Variants in GPR55 observed in about 807,000 individuals in gnomAD.
GPR55 encodes G-protein coupled receptor 55.
Under a neutral mutation model 7.9 loss-of-function variants are expected in GPR55, and 6 were observed. The observed-to-expected ratio is 0.76, with a 90% CI of 0.41 to 1.49. The LOEUF is 1.49. Ranked by LOEUF, GPR55 falls within the 40% of genes most tolerant of loss-of-function variation. GPR55 has a pLI of 0.01. For synonymous variants in GPR55, 183 were observed against 166.8 expected, an observed-to-expected ratio of 1.10 and a Z score of -0.75; for missense variants, 376 against 406.0, an observed-to-expected ratio of 0.93 and a Z score of 0.63.
At position 230,910,693 on chromosome 2, in the gene GPR55, G is replaced by A; in HGVS notation, c.270C>T (p.Phe90=). 6.2e-7 allele frequency: 1 copy of A among 1,613,252 alleles called. No individual in the cohort carries two copies. The highest frequency in any genetic ancestry group is 8.5e-7 in the Non-Finnish European group (1 of 1,179,214). ...ACTCCACCAGGGTGCACAGGGACGG[G>A]AAGGGGGACTGTACCTGGGACAGGA... ...KMVLSQVQSP[F]PSLCTLVECL... is the part of the protein sequence containing the mutation. Residue 90 remains phenylalanine, a synonymous_variant, in exon 2 of 2, where the codon TTC becomes TTT. Coordinates refer to ENST00000650999, the MANE Select transcript of GPR55 (RefSeq NM_005683.4). The surrounding 1 kb of genome is among the most constrained non-coding windows in gnomAD (Gnocchi z 5.4).
intron 1 of GPR55, among the ~76,000 whole-genome samples, chr2:230,938,933 T>C (rs2125064958): frequency 6.6e-6 from 1 of 152,310 alleles, no homozygotes; most frequent in South Asian, 2.1e-4. Flanking sequence ...TCATTAAATA[T>C]CGCCCCCAAG....
rs753786441 is a variant in GPR55 at position 230,910,768 on chromosome 2, G to A, written c.195C>T (p.Asn65=). Residue 65 remains asparagine (N), a synonymous_variant, in exon 2 of 2, where the codon AAC becomes AAT. Transcript: ENST00000650999. This position sits in a 1 kb window ranked among gnomAD's most constrained non-coding sequence, Gnocchi z 5.4. ...DYAATSIYMI[N]LAVFDLLLVL... The stretch of plus-strand genomic sequence containing the variant: ...CCAGCAGCAGGTCAAAGACTGCCAG[G>A]TTGATCATGTAGATGGAGGTGGCAG... 2.6e-5 allele frequency: 42 copies of A among 1,613,866 alleles called. No homozygotes were observed. In the South Asian group the frequency reaches 4.0e-4, roughly 15 times the overall value.
At chr2:230,927,780 G>A (rs527571234), upstream of GPR55, among the ~76,000 whole-genome samples, 106 of 152,356 alleles carry the variant, frequency 7.0e-4, no homozygotes, top group African/African-American at 2.5e-3. Flanking sequence ...CAGGATAGCT[G>A]GGCGCTCACC....
chr2:230,949,490 A>G (rs545539547), intron 1 of GPR55, among the ~76,000 whole-genome samples: 13 of 152,238 alleles, frequency 8.5e-5, no homozygotes, highest in African/African-American at 2.2e-4. Flanking sequence ...TAGCTATTGT[A>G]AGATTGCCTT....
intron 1 of GPR55, among the ~76,000 whole-genome samples, chr2:230,945,176 T>C (rs1480526242): frequency 2.0e-5 from 3 of 151,992 alleles, no homozygotes; most frequent in Non-Finnish European, 1.5e-5. Flanking sequence ...CGCAAAAAGA[T>C]GGCGGCGGGG....
chr2:230,909,919 C>G lies in GPR55; in HGVS notation c.*84G>C. On this transcript the variant is annotated 3_prime_UTR_variant, in exon 2 of 2. Coordinates refer to ENST00000650999, the MANE Select transcript of GPR55 (RefSeq NM_005683.4). ...TCAGTGAAGATGGTGCGGATCATCC[C>G]ACCACATCAAAACCCTGGAACGCGA... is the stretch of plus-strand genomic sequence containing the variant. 7.5e-7 allele frequency: 1 copy of G among 1,330,072 alleles called. No homozygotes were observed. The highest frequency in any genetic ancestry group is 1.0e-6 in the Non-Finnish European group (1 of 954,212). 82.4% of individuals were successfully genotyped at this position (1,330,072 alleles called of 1,614,324 possible).
chr2:230,935,360 G>A (rs552562705), intron 1 of GPR55, among the ~76,000 whole-genome samples: 10 of 152,272 alleles, frequency 6.6e-5, no homozygotes, highest in African/African-American at 1.9e-4. Flanking sequence ...GAAGGCTGAC[G>A]GGCTCCATGG....
At chr2:230,950,536 A>G (rs1328279583) in intron 1 of GPR55, among the ~76,000 whole-genome samples, 1 of 152,162 alleles carries the variant, frequency 6.6e-6, no homozygotes, top group Non-Finnish European at 1.5e-5. Flanking sequence ...TCTGCTTCAC[A>G]TAAGTCAAAC....
chr2:230,915,743 A>C (rs1254970821), intron 1 of GPR55, among the ~76,000 whole-genome samples: 3 of 152,182 alleles, frequency 2.0e-5, no homozygotes, highest in African/African-American at 7.2e-5. Context: ...TAAACAAACC[A>C]AGTTCCTTGG....
chr2:230,910,657 G>A lies in GPR55; in HGVS notation c.306C>T (p.Phe102=), dbSNP rs144507378. 219 of 1,613,740 alleles carry A rather than the reference G, an allele frequency of 1.4e-4. No homozygotes were observed. The highest frequency in any genetic ancestry group is 1.7e-4 in the Non-Finnish European group (206 of 1,179,826). The change falls in exon 2 of 2, where the codon TTC becomes TTT. Residue 102 remains phenylalanine (F), a synonymous_variant. Coordinates refer to ENST00000650999, the MANE Select transcript of GPR55 (RefSeq NM_005683.4). This position sits in a 1 kb window ranked among gnomAD's most constrained non-coding sequence, Gnocchi z 5.4. ...SLCTLVECLY[F]VSMYGSVFTI... ...TGAAGACGCTTCCGTACATGCTGAC[G>A]AAGTAAAGGCACTCCACCAGGGTGC... is the stretch of plus-strand genomic sequence containing the variant.
At chr2:230,937,546 C>T (rs1691150662) in intron 1 of GPR55, among the ~76,000 whole-genome samples, 1 of 151,120 alleles carries the variant, frequency 6.6e-6, no homozygotes, top group Non-Finnish European at 1.5e-5. Flanking sequence ...CAAGTTGCAC[C>T]CTTCTGCAGA....
At chr2:230,935,501 GT>G (rs1368004280) in intron 1 of GPR55, among the ~76,000 whole-genome samples, 3 of 152,224 alleles carry the variant, frequency 2.0e-5, no homozygotes, top group African/African-American at 7.2e-5. Flanking sequence ...TGTGCTGTGT[GT>G]TGTGGTCTTC....
chr2:230,917,067 A>G (rs1283323896), intron 1 of GPR55, among the ~76,000 whole-genome samples: 2 of 152,266 alleles, frequency 1.3e-5, no homozygotes. Flanking sequence ...CTAGCCTTGT[A>G]GAATTGCAGA....
At chr2:230,951,453 A>G (rs184115389) in intron 1 of GPR55, among the ~76,000 whole-genome samples, 2 of 152,302 alleles carry the variant, frequency 1.3e-5, no homozygotes, top group Admixed American at 1.3e-4. Flanking sequence ...TAAAAATGAA[A>G]ATGAGATTTT....
chr2:230,940,065 G>T (rs1691200535), intron 1 of GPR55, among the ~76,000 whole-genome samples: 1 of 152,142 alleles, frequency 6.6e-6, no homozygotes, highest in South Asian at 2.1e-4. Context: ...CCTGAGCTAC[G>T]TGGCCCCCCT....
chr2:230,959,539 T>C (rs1224900378), intron 1 of GPR55, among the ~76,000 whole-genome samples: 1 of 152,106 alleles, frequency 6.6e-6, no homozygotes, highest in Non-Finnish European at 1.5e-5. Context: ...ATTTTTCAGA[T>C]GAGGAAATTG....
At chr2:230,920,994 A>G (rs1209284917) in intron 1 of GPR55, among the ~76,000 whole-genome samples, 2 of 152,226 alleles carry the variant, frequency 1.3e-5, no homozygotes, top group African/African-American at 4.8e-5. Context: ...TGATAGCATA[A>G]TCTTTGGTTT....
At chr2:230,921,930 A>C (rs903262917) in intron 1 of GPR55, among the ~76,000 whole-genome samples, 1 of 152,236 alleles carries the variant, frequency 6.6e-6, no homozygotes, top group Non-Finnish European at 1.5e-5. Context: ...TTCCACCATA[A>C]GACTTCACAG....
chr2:230,935,242 G>A (rs896814303), intron 1 of GPR55, among the ~76,000 whole-genome samples: 9 of 152,180 alleles, frequency 5.9e-5, no homozygotes, highest in Admixed American at 4.6e-4. Flanking sequence ...AGGGGCCTCA[G>A]GTTACACAGA....
Sources: gnomAD v4.1 joint callset for allele counts (sites outside exome capture counted in the v4.1 genomes callset) on GRCh38, gnomAD v4.1.1 for gene constraint, Gnocchi (gnomAD v3.1) non-coding constraint, MANE v1.5 for transcripts, NCBI Gene and HGNC (gene_info 2026-07-23, HGNC 2026-07-21) for gene names.